Variants in RBFOX1 observed in about 807,000 individuals in gnomAD.
The protein encoded by RBFOX1 is RNA binding fox-1 homolog 1.
Under a neutral mutation model 57.7 loss-of-function variants are expected in RBFOX1, and 8 were observed. The ratio of observed to expected loss-of-function variants is 0.14; its 90% CI spans 0.08 to 0.25. The LOEUF is 0.25. RBFOX1 is among the 10% of genes least tolerant of loss of function. The pLI, the probability that RBFOX1 is intolerant of heterozygous loss-of-function variation, is 1.00. For synonymous variants in RBFOX1, 326 were observed against 222.4 expected (o/e 1.47, Z -4.15); for missense variants, 611 against 548.5 (o/e 1.11, Z -1.14).
At chr16:5,805,303 A>C (rs1177089106) in intron 3 of RBFOX1, among the ~76,000 whole-genome samples, 5 of 152,234 alleles carry the variant, frequency 3.3e-5, no homozygotes, top group African/African-American at 1.2e-4. Context: ...TTCCATAAGC[A>C]CTGATTTACC....
chr16:5,874,081 T>C (rs529103952), intron 4 of RBFOX1, among the ~76,000 whole-genome samples: 152 of 152,216 alleles, frequency 1.0e-3, no homozygotes, highest in African/African-American at 3.4e-3. Flanking sequence ...GTAGGGGTAT[T>C]GGATAATTCA....
At chr16:7,040,670 T>C (rs1256150930) in intron 3 of RBFOX1, among the ~76,000 whole-genome samples, 1 of 152,192 alleles carries the variant, frequency 6.6e-6, no homozygotes, top group African/African-American at 2.4e-5. Context: ...GATATTTTTC[T>C]GTGTGTGTAC....
chr16:6,495,608 G>T (rs2095749457), intron 2 of RBFOX1, among the ~76,000 whole-genome samples: 1 of 152,234 alleles, frequency 6.6e-6, no homozygotes, highest in South Asian at 2.1e-4. Context: ...TCAGCCCTTA[G>T]CTCACAGCTC....
intron 4 of RBFOX1, among the ~76,000 whole-genome samples, chr16:5,894,766 A>C (rs2058122161): frequency 6.6e-6 from 1 of 152,272 alleles, no homozygotes; most frequent in East Asian, 1.9e-4. Context: ...TCACGCCTGT[A>C]ATCCCAGCAC....
At chr16:5,592,753 A>G (rs2047051597) in intron 2 of RBFOX1, among the ~76,000 whole-genome samples, 1 of 152,206 alleles carries the variant, frequency 6.6e-6, no homozygotes, top group South Asian at 2.1e-4. Flanking sequence ...GTCTGTGTTC[A>G]TCCAACAGCC....
chr16:6,428,018 C>T (rs953315196), intron 2 of RBFOX1, among the ~76,000 whole-genome samples: 4 of 152,134 alleles, frequency 2.6e-5, no homozygotes, highest in Non-Finnish European at 5.9e-5. Context: ...CACGGTGGCT[C>T]ATGCCTGTAA....
chr16:7,465,708 G>C (rs1382600595), intron 4 of RBFOX1, among the ~76,000 whole-genome samples: 1 of 152,184 alleles, frequency 6.6e-6, no homozygotes, highest in South Asian at 2.1e-4. Context: ...GTCAATAGGA[G>C]CACTCATTAA....
intron 4 of RBFOX1, among the ~76,000 whole-genome samples, chr16:7,314,112 G>A (rs1375990099): frequency 1.3e-5 from 2 of 152,130 alleles, no homozygotes; most frequent in African/African-American, 4.8e-5. Flanking sequence ...ACTTGGGGAG[G>A]AGGAAGGGAG....
chr16:6,755,403 T>C (rs892476867), intron 3 of RBFOX1, among the ~76,000 whole-genome samples: 2 of 152,298 alleles, frequency 1.3e-5, no homozygotes, highest in South Asian at 2.1e-4. Context: ...TTCTAACTGG[T>C]GTGAGATGGT....
chr16:6,640,628 T>G (rs1380965963), intron 2 of RBFOX1, among the ~76,000 whole-genome samples: 1 of 151,972 alleles, frequency 6.6e-6, no homozygotes, highest in East Asian at 1.9e-4. Context: ...AATAAATAAA[T>G]AAATAAATAC....
intron 4 of RBFOX1, among the ~76,000 whole-genome samples, chr16:7,491,126 C>T (rs1027501900): frequency 2.0e-5 from 3 of 152,144 alleles, no homozygotes; most frequent in Non-Finnish European, 2.9e-5. Flanking sequence ...CATCAGCCCT[C>T]TAATTATACT....
chr16:6,065,024 T>C (rs2095741843), intron 1 of RBFOX1, among the ~76,000 whole-genome samples: 1 of 151,646 alleles, frequency 6.6e-6, no homozygotes, highest in Non-Finnish European at 1.5e-5. Context: ...TCTTTCTTTC[T>C]TTCTTTTTTT....
At chr16:6,228,353 A>G (rs2097432743) in intron 1 of RBFOX1, among the ~76,000 whole-genome samples, 1 of 152,026 alleles carries the variant, frequency 6.6e-6, no homozygotes, top group Non-Finnish European at 1.5e-5. Flanking sequence ...ACTAAACAAA[A>G]TAGCCAGGAT....
chr16:7,668,929 A>G (rs1287750415), intron 13 of RBFOX1, among the ~76,000 whole-genome samples: 1 of 152,116 alleles, frequency 6.6e-6, no homozygotes, highest in Non-Finnish European at 1.5e-5. Flanking sequence ...TTTGAGGTGG[A>G]ATCTCGCTCT....
At chr16:6,155,789 T>G (rs1597863830) in intron 1 of RBFOX1, among the ~76,000 whole-genome samples, 1 of 152,192 alleles carries the variant, frequency 6.6e-6, no homozygotes, top group Middle Eastern at 3.4e-3. Context: ...GTGGCAATGT[T>G]TTTTTTTGGA....
At chr16:7,669,418 A>G (rs2070628903) in intron 13 of RBFOX1, among the ~76,000 whole-genome samples, 1 of 152,250 alleles carries the variant, frequency 6.6e-6, no homozygotes. Flanking sequence ...ACGGATAGAA[A>G]CTGGAATAAC....
intron 1 of RBFOX1, among the ~76,000 whole-genome samples, chr16:5,324,266 C>T (rs898005345): frequency 6.6e-6 from 1 of 152,178 alleles, no homozygotes; most frequent in Non-Finnish European, 1.5e-5. Flanking sequence ...AGTTCGAAAC[C>T]AGCCCGGCCA....
intron 2 of RBFOX1, among the ~76,000 whole-genome samples, chr16:6,336,812 A>C (rs576917361): frequency 6.6e-6 from 1 of 152,328 alleles, no homozygotes; most frequent in South Asian, 2.1e-4. Context: ...AGGTCAGAGA[A>C]GACATAGAAA....
chr16:6,284,044 G>A (rs1005698707), intron 1 of RBFOX1, among the ~76,000 whole-genome samples: 1 of 152,190 alleles, frequency 6.6e-6, no homozygotes. Flanking sequence ...GGCTTTGCCT[G>A]TGTAGCTTGT....
Sources: allele counts gnomAD v4.1 joint callset (sites outside exome capture counted in the v4.1 genomes callset), GRCh38; gene constraint gnomAD v4.1.1; transcripts MANE v1.5; gene names NCBI Gene and HGNC (gene_info 2026-07-23, HGNC 2026-07-21).